Variants in ESR1 observed in about 807,000 individuals in gnomAD.
The protein encoded by ESR1 is estrogen receptor 1.
In ESR1, 12 loss-of-function variants were observed where a neutral mutation model predicts 52.7. The ratio of observed to expected loss-of-function variants is 0.23; its 90% CI spans 0.15 to 0.37. The LOEUF is 0.37. ESR1 is among the 10% of genes least tolerant of loss of function. ESR1 has a pLI of 1.00. For synonymous variants in ESR1, 305 were observed against 316.8 expected (o/e 0.96, Z 0.39); for missense variants, 584 against 779.7 (o/e 0.75, Z 2.99).
intron 6 of ESR1, among the ~76,000 whole-genome samples, chr6:152,071,740 A>T (rs1235930966): frequency 3.3e-5 from 5 of 152,238 alleles, no homozygotes; most frequent in Non-Finnish European, 2.9e-5. Context: ...TGATGATACA[A>T]CATGATTTAT....
rs187086086 is a variant in ESR1, at chr6:152,086,591, C to T, written c.1370-7794C>T. Among the ~76,000 whole-genome samples the T allele has an allele frequency of 2.6e-3, 389 of 150,588 alleles. 5 individuals carry two copies. The highest frequency in any genetic ancestry group is 0.014 in the Admixed American group (202 of 14,938). ...CAGTTTCACTATGAATGTGTTGATG[C>T]ACCAAGTATTTACTTTCTAGAACAT... On this transcript the variant is annotated intron_variant, in intron 6 of 7. Coordinates refer to ENST00000206249, the MANE Select transcript of ESR1 (RefSeq NM_000125.4).
chr6:151,849,479 A>G (rs1018141193), intron 2 of ESR1, among the ~76,000 whole-genome samples: 1 of 152,034 alleles, frequency 6.6e-6, no homozygotes, highest in Non-Finnish European at 1.5e-5. Flanking sequence ...CCCTGTCTCT[A>G]CTAAAAATAC....
rs1305298285 is a variant in ESR1, at chr6:151,697,258, G to GT, written c.-201-4611dup. On this transcript the variant is annotated intron_variant, in intron 1 of 2. Coordinates refer to the ESR1 transcript ENST00000404742. Reference sequence around the variant, plus strand: ...CATTAAAAAAAATCTTTTAGGACTTGTTTTTTGCAATCATGATTGTTTATG... The same window carrying GT: ...CATTAAAAAAAATCTTTTAGGACTTGTTTTTTTGCAATCATGATTGTTTATG... Among the ~76,000 whole-genome samples, 2 of 152,154 alleles carry GT rather than the reference G, an allele frequency of 1.3e-5. 1 individual carries two copies. Among genetic ancestry groups the GT allele is most frequent in the Non-Finnish European group, 2.9e-5 (2 of 68,024 alleles).
At chr6:151,716,473 G>C (rs1294014901) in intron 2 of ESR1, among the ~76,000 whole-genome samples, 1 of 152,210 alleles carries the variant, frequency 6.6e-6, no homozygotes, top group Admixed American at 6.5e-5. Flanking sequence ...GGAGATGGGA[G>C]TTTTATCTAT....
chr6:151,825,434 A>C (rs992793673), intron 1 of ESR1, among the ~76,000 whole-genome samples: 1 of 152,236 alleles, frequency 6.6e-6, no homozygotes. Flanking sequence ...TCAGATAACT[A>C]ACTGTACTTG....
chr6:151,731,469 G>A (rs1458880800), intron 2 of ESR1, among the ~76,000 whole-genome samples: 1 of 152,090 alleles, frequency 6.6e-6, no homozygotes, highest in African/African-American at 2.4e-5. Context: ...ATGTGGACAT[G>A]GGCAGCTGCT....
intron 6 of ESR1, among the ~76,000 whole-genome samples, chr6:152,118,056 C>T (rs1369112734): frequency 1.3e-5 from 2 of 152,190 alleles, no homozygotes; most frequent in Non-Finnish European, 2.9e-5. Flanking sequence ...ACTCCACCTG[C>T]CTCCATTTCT....
At chr6:151,662,220 A>T (rs1027319031) in intron 1 of ESR1, among the ~76,000 whole-genome samples, 1 of 152,208 alleles carries the variant, frequency 6.6e-6, no homozygotes, top group Non-Finnish European at 1.5e-5. Flanking sequence ...CCTTGCTTGT[A>T]TATACAGGGT....
chr6:152,127,996 T>C (rs1365775110), exon 7 of ESR1: 1 of 152,198 alleles, frequency 6.6e-6, no homozygotes, highest in Non-Finnish European at 1.5e-5. Context: ...CAAGGCAATT[T>C]TGCATTTTAC....
At chr6:151,691,616 T>G (rs1778951462) in intron 1 of ESR1, among the ~76,000 whole-genome samples, 1 of 152,184 alleles carries the variant, frequency 6.6e-6, no homozygotes, top group African/African-American at 2.4e-5. Flanking sequence ...GTGCCAGATC[T>G]AATAGGCTTA....
chr6:152,048,037 T>C lies in ESR1; in HGVS notation c.1236-12954T>C, dbSNP rs187072566. 1.4e-4 allele frequency among the ~76,000 whole-genome samples: 21 copies of C among 151,120 alleles called. No homozygotes were observed. In the East Asian group the frequency reaches 4.1e-3, roughly 30 times the overall value. ...CTTCTTGGCACACTCTTCCCAACTT[T>C]TTTCCTGGCTAATTGCTAGTTATTT... On this transcript the variant is annotated intron_variant, in intron 5 of 7. Transcript: ENST00000206249.
At chr6:151,698,185 G>T (rs1209439354) in intron 1 of ESR1, among the ~76,000 whole-genome samples, 1 of 151,782 alleles carries the variant, frequency 6.6e-6, no homozygotes, top group African/African-American at 2.4e-5. Flanking sequence ...GGGCAACATG[G>T]CGAAACCCCA....
At chr6:151,917,098 C>T (rs780842243) in intron 3 of ESR1, among the ~76,000 whole-genome samples, 2 of 152,098 alleles carry the variant, frequency 1.3e-5, no homozygotes, top group South Asian at 4.1e-4. Context: ...CCTCCATGAC[C>T]AAATTAAAGA....
chr6:151,870,937 G>A (rs553002441), intron 2 of ESR1, among the ~76,000 whole-genome samples: 1 of 151,540 alleles, frequency 6.6e-6, no homozygotes, highest in African/African-American at 2.4e-5. Context: ...GGGCAACCTC[G>A]ACCTCCTAGG....
chr6:152,062,781 AC>A (rs1226524105), intron 6 of ESR1, among the ~76,000 whole-genome samples: 1 of 152,178 alleles, frequency 6.6e-6, no homozygotes, highest in Admixed American at 6.5e-5. Flanking sequence ...CCCACCCCGA[AC>A]TTTTACTGAG....
rs750721756 is a variant in ESR1 at position 151,944,333 on chromosome 6, C to T, written c.921C>T (p.Ala307=). 1 of 1,614,114 alleles carries T rather than the reference C, an allele frequency of 6.2e-7. No individual in the cohort carries two copies. Among genetic ancestry groups the T allele is most frequent in the Non-Finnish European group, 8.5e-7 (1 of 1,180,014 alleles). The change falls in exon 4 of 8, where the codon GCC becomes GCT. Residue 307 remains alanine (A), a synonymous_variant. Coordinates refer to ENST00000206249, the MANE Select transcript of ESR1 (RefSeq NM_000125.4). ...AACGCTCTAAGAAGAACAGCCTGGC[C>T]TTGTCCCTGACGGCCGACCAGATGG... ...MIKRSKKNSL[A]LSLTADQMVS...
intron 2 of ESR1, among the ~76,000 whole-genome samples, chr6:151,871,259 T>C (rs557942523): frequency 6.6e-6 from 1 of 152,118 alleles, no homozygotes; most frequent in Non-Finnish European, 1.5e-5. Flanking sequence ...AAAATAAAAA[T>C]AAAATTGTGA....
intron 2 of ESR1, among the ~76,000 whole-genome samples, chr6:151,848,639 G>C (rs1232767066): frequency 6.6e-6 from 1 of 152,124 alleles, no homozygotes; most frequent in Non-Finnish European, 1.5e-5. Context: ...AAAGGTTAGA[G>C]AATGGGGTAG....
At chr6:151,958,440 C>T (rs752535490) in intron 4 of ESR1, among the ~76,000 whole-genome samples, 2 of 152,180 alleles carry the variant, frequency 1.3e-5, no homozygotes, top group African/African-American at 2.4e-5. Flanking sequence ...ACTAGCTTGA[C>T]TAAGGAGTGG....
Sources: allele counts gnomAD v4.1 joint callset (sites outside exome capture counted in the v4.1 genomes callset), GRCh38; gene constraint gnomAD v4.1.1; transcripts MANE v1.5; gene names NCBI Gene and HGNC (gene_info 2026-07-23, HGNC 2026-07-21).